CLVS1: variants seen among roughly 807,000 people sequenced by gnomAD.
The protein encoded by CLVS1 is clavesin-1.
CLVS1 carries 10 observed loss-of-function variants against 33.1 expected under a neutral mutation model. The ratio of observed to expected loss-of-function variants is 0.30; its 90% CI spans 0.19 to 0.51. The LOEUF (loss-of-function observed/expected upper bound fraction) is 0.51. CLVS1 is among the 20% of genes least tolerant of loss of function. CLVS1 has a pLI of 0.97. For missense variants in CLVS1, 343 were observed against 433.4 expected, an observed-to-expected ratio of 0.79 and a Z score of 1.85; for synonymous variants, 163 against 166.1, an observed-to-expected ratio of 0.98 and a Z score of 0.14.
the CLVS1 span, among the ~76,000 whole-genome samples, chr8:61,052,070 G>A: frequency 2.6e-5 from 4 of 152,234 alleles, no homozygotes; most frequent in African/African-American, 9.6e-5. Context: ...GGGACTCAGA[G>A]GCTGGGATGG....
At chr8:61,380,448 T>C (rs1813826840) in intron 3 of CLVS1, among the ~76,000 whole-genome samples, 1 of 152,222 alleles carries the variant, frequency 6.6e-6, no homozygotes, top group South Asian at 2.1e-4. Flanking sequence ...GTATGTATTA[T>C]AAATTCCTCC....
At chr8:61,036,268 G>A in the CLVS1 span, among the ~76,000 whole-genome samples, 1 of 152,208 alleles carries the variant, frequency 6.6e-6, no homozygotes, top group East Asian at 1.9e-4. Context: ...AATGGGATTC[G>A]AGAACAATGC....
chr8:61,150,685 G>C (rs914960874), intron 2 of CLVS1, among the ~76,000 whole-genome samples: 4 of 152,188 alleles, frequency 2.6e-5, no homozygotes, highest in African/African-American at 9.7e-5. Context: ...GTGCATGTGT[G>C]TTCCTTGCCT....
At chr8:61,166,924 GT>G (rs1444371878) in intron 2 of CLVS1, among the ~76,000 whole-genome samples, 7 of 129,774 alleles carry the variant, frequency 5.4e-5, no homozygotes, top group African/African-American at 2.0e-4. Context: ...TTTGGATCCT[GT>G]TTTTTCCATA....
chr8:61,101,129 C>G (rs1194572726), intron 1 of CLVS1, among the ~76,000 whole-genome samples: 1 of 152,120 alleles, frequency 6.6e-6, no homozygotes. Flanking sequence ...CATGACCATA[C>G]GTTTAAATAT....
intron 2 of CLVS1, among the ~76,000 whole-genome samples, chr8:61,355,295 T>C (rs1812646316): frequency 6.6e-6 from 1 of 152,092 alleles, no homozygotes; most frequent in African/African-American, 2.4e-5. Context: ...TTTCTTTTTT[T>C]TTTTACACCA....
chr8:61,258,260 T>C (rs1809128425), intron 2 of CLVS1, among the ~76,000 whole-genome samples: 1 of 152,204 alleles, frequency 6.6e-6, no homozygotes, highest in Non-Finnish European at 1.5e-5. Flanking sequence ...TGTGTAAAAA[T>C]TCCTTGGCAT....
chr8:61,125,426 A>T (rs998173243), intron 1 of CLVS1, among the ~76,000 whole-genome samples: 5 of 152,150 alleles, frequency 3.3e-5, no homozygotes, highest in African/African-American at 7.2e-5. Flanking sequence ...AAACTAAAAC[A>T]AAAACTAAAA....
At chr8:61,218,543 G>A (rs1195098574) in intron 2 of CLVS1, among the ~76,000 whole-genome samples, 2 of 151,482 alleles carry the variant, frequency 1.3e-5, no homozygotes, top group Non-Finnish European at 2.9e-5. Context: ...ATTTGTTAAA[G>A]GATACAAAAT....
At chr8:61,191,068 CA>C (rs894252188) in intron 2 of CLVS1, among the ~76,000 whole-genome samples, 10 of 151,624 alleles carry the variant, frequency 6.6e-5, no homozygotes, top group African/African-American at 1.7e-4. Context: ...AGAGACACAA[CA>C]AAAAAAAGAG....
chr8:61,118,990 T>C (rs1805800985), intron 1 of CLVS1, among the ~76,000 whole-genome samples: 1 of 152,184 alleles, frequency 6.6e-6, no homozygotes, highest in Non-Finnish European at 1.5e-5. Flanking sequence ...TCTCCCATTA[T>C]TAATGTGTGG....
chr8:61,139,720 G>T (rs1585638043), intron 2 of CLVS1, among the ~76,000 whole-genome samples: 1 of 152,138 alleles, frequency 6.6e-6, no homozygotes, highest in Non-Finnish European at 1.5e-5. Context: ...GGTGGTCGGG[G>T]TCCGCTTCCG....
At chr8:61,324,854 G>T (rs1261291032) in intron 2 of CLVS1, among the ~76,000 whole-genome samples, 2 of 152,072 alleles carry the variant, frequency 1.3e-5, no homozygotes, top group Non-Finnish European at 2.9e-5. Context: ...TGTACAAGCA[G>T]AGAACAGTAA....
intron 2 of CLVS1, among the ~76,000 whole-genome samples, chr8:61,239,376 AG>A (rs1450122680): frequency 2.0e-5 from 3 of 152,206 alleles, no homozygotes; most frequent in African/African-American, 7.2e-5. Context: ...GTGCTTAGAA[AG>A]CCACGCCTTA....
At chr8:61,127,589 G>A (rs1806000997) in intron 1 of CLVS1, among the ~76,000 whole-genome samples, 1 of 152,136 alleles carries the variant, frequency 6.6e-6, no homozygotes, top group South Asian at 2.1e-4. Context: ...AATTTTATAT[G>A]TACAGTACAT....
intron 1 of CLVS1, among the ~76,000 whole-genome samples, chr8:61,079,236 A>AT (rs1804978810): frequency 6.6e-6 from 1 of 152,116 alleles, no homozygotes; most frequent in Non-Finnish European, 1.5e-5. Context: ...TTTACTCTTT[A>AT]TGTTTTATTC....
chr8:61,189,375 A>C (rs1299003916), intron 2 of CLVS1, among the ~76,000 whole-genome samples: 1 of 152,210 alleles, frequency 6.6e-6, no homozygotes, highest in Middle Eastern at 3.2e-3. Flanking sequence ...TGAAGGAAGC[A>C]CTAAACATGG....
At chr8:61,274,350 A>G (rs992105048) in intron 2 of CLVS1, among the ~76,000 whole-genome samples, 1 of 152,134 alleles carries the variant, frequency 6.6e-6, no homozygotes, top group African/African-American at 2.4e-5. Context: ...TGCTGAATAT[A>G]CTCACTTATT....
chr8:60,969,999 G>T, the CLVS1 span, among the ~76,000 whole-genome samples: 2 of 152,132 alleles, frequency 1.3e-5, no homozygotes, highest in Non-Finnish European at 2.9e-5. Context: ...CCTGGAACCC[G>T]ATATATCAAA....
Sources: gnomAD v4.1 joint callset for allele counts (sites outside exome capture counted in the v4.1 genomes callset) on GRCh38, gnomAD v4.1.1 for gene constraint, MANE v1.5 for transcripts, NCBI Gene and HGNC (gene_info 2026-07-23, HGNC 2026-07-21) for gene names.